The following VCL variants were observed in gnomAD, a reference collection of about 807,000 sequenced individuals.
The protein encoded by VCL is epididymis luminal protein 114.
A neutral mutation model predicts 125.7 loss-of-function variants in VCL; 47 were observed. That is an observed-to-expected ratio of 0.37 (90% confidence interval 0.30 to 0.48). The LOEUF (loss-of-function observed/expected upper bound fraction) is 0.48. VCL is among the 20% of genes least tolerant of loss of function. VCL has a pLI of 0.99. For synonymous variants in VCL, 458 were observed against 514.6 expected (o/e 0.89, Z 1.49); for missense variants, 1,069 against 1,455.5 (o/e 0.73, Z 4.32).
At chr10:74,090,998 G>C (rs1839873740) in intron 10 of VCL, among the ~76,000 whole-genome samples, 1 of 151,730 alleles carries the variant, frequency 6.6e-6, no homozygotes, top group South Asian at 2.1e-4. Context: ...ACGGGGTGTT[G>C]CTATGTTGTC....
At position 74,097,404 on chromosome 10, in the gene VCL, CA is replaced by C; in HGVS notation, c.1872+73del. Reference sequence around the variant, plus strand: ...TATATGTAAAGGTGAAATGTGATTACAGTGGACATCAGGATCAGTGGTTGGG... The same window carrying C: ...TATATGTAAAGGTGAAATGTGATTACGTGGACATCAGGATCAGTGGTTGGG... On this transcript the variant is annotated intron_variant, in intron 13 of 21. Transcript: ENST00000211998. This position sits in a 1 kb window ranked among gnomAD's most constrained non-coding sequence, Gnocchi z 4.1. 6.3e-7 allele frequency: 1 copy of C among 1,583,688 alleles called. No homozygotes were observed. The highest frequency in any genetic ancestry group is 8.6e-7 in the Non-Finnish European group (1 of 1,167,136).
chr10:74,020,199 C>T (rs1362311582), intron 1 of VCL, among the ~76,000 whole-genome samples: 3 of 152,052 alleles, frequency 2.0e-5, no homozygotes, highest in Non-Finnish European at 4.4e-5. Context: ...TTGGTGGTGT[C>T]GGAGTGCAAA....
intron 2 of VCL, among the ~76,000 whole-genome samples, chr10:74,046,613 C>G (rs1190576835): frequency 1.3e-5 from 2 of 152,150 alleles, no homozygotes; most frequent in East Asian, 3.8e-4. Flanking sequence ...TTGCATTTAC[C>G]TTACATTAAA....
Position 74,108,996 on chromosome 10 carries a change from A to C in VCL, c.2585A>C (p.Lys862Thr). The C allele has an allele frequency of 3.7e-6, 6 of 1,614,116 alleles. No homozygotes were observed. The highest frequency in any genetic ancestry group is 4.2e-6 in the Non-Finnish European group (5 of 1,180,018). The stretch of plus-strand genomic sequence containing the variant: ...CTAACAGATGAGCTTGCTCCTCCCA[A>C]ACCACCTCTGCCTGAAGGTGAGGTC... ...LRLTDELAPP[K>T]PPLPEGEVPP... The change falls in exon 18 of 22, where the codon AAA becomes ACA. Residue 862 changes from lysine (K) to threonine (T), a missense_variant. This residue lies in a region of VCL where 760 missense variants were observed against 928.9 expected (regional missense o/e 0.82). Coordinates refer to ENST00000211998, the MANE Select transcript of VCL (RefSeq NM_014000.3).
chr10:74,015,626 C>T (rs752698049), intron 1 of VCL, among the ~76,000 whole-genome samples: 4 of 151,848 alleles, frequency 2.6e-5, no homozygotes, highest in Admixed American at 1.3e-4. Flanking sequence ...TTCTAATATG[C>T]CATTTAATCC....
rs766861514 is a variant in VCL, at chr10:74,083,379, G to T, written c.888G>T (p.Glu296Asp). The T allele has an allele frequency of 1.2e-6, 2 of 1,614,092 alleles. No individual in the cohort carries two copies. Among genetic ancestry groups the T allele is most frequent in the Admixed American group, 3.3e-5 (2 of 60,026 alleles). Residue 296 changes from glutamate (E) to aspartate (D), a missense_variant, in exon 8 of 22, where the codon GAG becomes GAT. Transcript: ENST00000211998. ...TCTTTATTTTAGGGGATGCTGGTGA[G>T]CAGGCCATCAGACAGATCTTAGATG... ...DPSASPGDAG[E>D]QAIRQILDEA...
intron 6 of VCL, chr10:74,076,158 A>G (rs906004946): frequency 6.6e-6 from 1 of 152,584 alleles, no homozygotes; most frequent in Non-Finnish European, 1.5e-5. Context: ...TTAAAAAGAG[A>G]AAAGCATGTC....
intron 1 of VCL, among the ~76,000 whole-genome samples, chr10:74,024,177 G>A (rs1271137461): frequency 6.6e-6 from 1 of 152,184 alleles, no homozygotes; most frequent in Non-Finnish European, 1.5e-5. Flanking sequence ...AAGGAATAGA[G>A]TGATTTTGCT....
intron 2 of VCL, among the ~76,000 whole-genome samples, chr10:74,055,554 TCTCA>T (rs1841376497): frequency 6.6e-6 from 1 of 151,802 alleles, no homozygotes; most frequent in Non-Finnish European, 1.5e-5. Context: ...AGAGATGGGA[TCTCA>T]CTATGTTGTC....
chr10:73,998,561 G>A (rs1000407612), intron 1 of VCL, among the ~76,000 whole-genome samples, 186 bp downstream of exon 1: 3 of 152,188 alleles, frequency 2.0e-5, no homozygotes, highest in African/African-American at 7.2e-5. Flanking sequence ...GAGCCTCTCC[G>A]GGCCTCAGTG....
At chr10:74,103,082 G>A (rs1402533502) in intron 14 of VCL, among the ~76,000 whole-genome samples, 1 of 152,050 alleles carries the variant, frequency 6.6e-6, no homozygotes, top group Non-Finnish European at 1.5e-5. Flanking sequence ...TGGCCAGGCT[G>A]GTCTCAAACT....
rs748791215 is a variant in VCL at position 74,105,060 on chromosome 10, A to G, written c.2141A>G (p.Asp714Gly). 3 of 1,614,194 alleles carry G rather than the reference A, an allele frequency of 1.9e-6. No homozygotes were observed. In the South Asian group the frequency reaches 3.3e-5, roughly 18 times the overall value. The change falls in exon 16 of 22, where the codon GAC becomes GGC. Residue 714 changes from aspartate (D) to glycine (G), a missense_variant. Asp to Gly is a moderately conservative substitution (Grantham distance 94). This residue lies in a region of VCL where 760 missense variants were observed against 928.9 expected (regional missense o/e 0.82). Coordinates refer to ENST00000211998, the MANE Select transcript of VCL (RefSeq NM_014000.3). ...TCTGTTTTCCTAACAGGGCTGGTGG[A>G]CGAAGCCATTGATACCAAATCTCTG... ...DNVEKMTGLV[D>G]EAIDTKSLLD...
Position 74,094,279 on chromosome 10 carries a change from G to A in VCL, c.1361G>A (p.Gly454Glu), listed in dbSNP as rs1331767225. ...TGTCTTTTTCTCTGTAGGGGGAAAGGAGATTCTCCAGAGGCTCGAGCCTTG... is the reference window on the plus strand; with the variant it reads ...TGTCTTTTTCTCTGTAGGGGGAAAGAAGATTCTCCAGAGGCTCGAGCCTTG... ...KLADLRRQGK[G>E]DSPEARALAK... is the part of the protein sequence containing the mutation. Residue 454 changes from glycine (G) to glutamate (E), a missense_variant, in exon 11 of 22, where the codon GGA (glycine) becomes GAA (glutamate). By Grantham distance (98) the Gly-to-Glu change is moderately conservative. This residue lies in a region of VCL where 760 missense variants were observed against 928.9 expected (regional missense o/e 0.82). Coordinates refer to ENST00000211998, the MANE Select transcript of VCL (RefSeq NM_014000.3). 6.2e-7 allele frequency: 1 copy of A among 1,614,028 alleles called. No homozygotes were observed. Among genetic ancestry groups the A allele is most frequent in the Non-Finnish European group, 8.5e-7 (1 of 1,180,046 alleles).
At chr10:74,018,624 A>G (rs1376436930) in intron 1 of VCL, among the ~76,000 whole-genome samples, 1 of 152,166 alleles carries the variant, frequency 6.6e-6, no homozygotes, top group Non-Finnish European at 1.5e-5. Context: ...AAGCTTTAGT[A>G]ATGAGACTGT....
At chr10:74,099,853 C>G (rs1324165655) in intron 13 of VCL, among the ~76,000 whole-genome samples, 1 of 152,100 alleles carries the variant, frequency 6.6e-6, no homozygotes, top group Admixed American at 6.5e-5. Flanking sequence ...TGGCAGGAAC[C>G]CATGTAGTTA....
In VCL at chr10:74,118,515, C is replaced by T; in HGVS notation, c.*346C>T. On this transcript the variant is annotated 3_prime_UTR_variant, in exon 22 of 22. Coordinates refer to ENST00000211998, the MANE Select transcript of VCL (RefSeq NM_014000.3). ...TGCTCTGCCCTTGTTCCCTAGGGGACACTTCCCTCTGTTTCTCTTTCCTTG... is the reference window on the plus strand; with the variant it reads ...TGCTCTGCCCTTGTTCCCTAGGGGATACTTCCCTCTGTTTCTCTTTCCTTG... 3.0e-6 allele frequency: 1 copy of T among 335,368 alleles called. No homozygotes were observed. The highest frequency in any genetic ancestry group is 2.8e-5 in the South Asian group (1 of 35,966). The allele number at this position is 335,368 out of a possible 1,614,324, so 20.8% of individuals were successfully genotyped here. A position where few individuals can be genotyped will look rare whatever the true frequency, so the allele number is the denominator to read the frequency against.
At chr10:74,098,583 G>C (rs1453690685) in intron 13 of VCL, among the ~76,000 whole-genome samples, 1 of 152,206 alleles carries the variant, frequency 6.6e-6, no homozygotes, top group Non-Finnish European at 1.5e-5. Context: ...CTTGAACTCT[G>C]TCTCATGGCC....
chr10:74,098,196 C>G (rs376000799), intron 13 of VCL, among the ~76,000 whole-genome samples: 23 of 152,142 alleles, frequency 1.5e-4, no homozygotes, highest in African/African-American at 4.8e-5. Context: ...CCTTTGCACT[C>G]GTTTGTTCCA....
chr10:74,107,731 A>G (rs912079910), intron 17 of VCL, among the ~76,000 whole-genome samples: 2 of 152,130 alleles, frequency 1.3e-5, no homozygotes, highest in Non-Finnish European at 2.9e-5. Flanking sequence ...TGATAATGGT[A>G]GAACCGAGGT....
Sources: gnomAD v4.1 joint callset for allele counts (sites outside exome capture counted in the v4.1 genomes callset) on GRCh38, gnomAD v4.1.1 for gene constraint, gnomAD v4.1.1 regional missense constraint, Gnocchi (gnomAD v3.1) non-coding constraint, MANE v1.5 for transcripts, NCBI Gene and HGNC (gene_info 2026-07-23, HGNC 2026-07-21) for gene names.